Variants in PDE4D observed in about 807,000 individuals in gnomAD.
The protein encoded by PDE4D is phosphodiesterase 4D.
In PDE4D, 24 loss-of-function variants were observed where a neutral mutation model predicts 87.4. The ratio of observed to expected loss-of-function variants is 0.27; its 90% confidence interval spans 0.20 to 0.39. PDE4D has a LOEUF of 0.39. Ranked by LOEUF, PDE4D falls within the 10% of genes least tolerant of loss-of-function variation. The probability of loss-of-function intolerance (pLI) is 1.00; values close to 1 mark genes in which losing one functional copy is unlikely to be tolerated. For synonymous variants in PDE4D, 384 were observed against 383.2 expected (o/e 1.00, Z -0.02); for missense variants, 714 against 1,041.0 (o/e 0.69, Z 4.32).
intron 1 of PDE4D, among the ~76,000 whole-genome samples, chr5:60,361,192 G>A (rs1166763950): frequency 6.6e-6 from 1 of 152,182 alleles, no homozygotes; most frequent in Non-Finnish European, 1.5e-5. Flanking sequence ...CATAGTAGAT[G>A]ATCAAGCACA....
intron 6 of PDE4D, among the ~76,000 whole-genome samples, chr5:58,997,647 C>G (rs1749535209): frequency 7.1e-6 from 1 of 141,228 alleles, no homozygotes; most frequent in Non-Finnish European, 1.5e-5. Flanking sequence ...AGTCTGAAAA[C>G]AATACACAGA....
Position 58,970,097 on chromosome 5 carries a change from T to C in PDE4D, c.*4567A>G, listed in dbSNP as rs1208051211. ...AGGCAGAATCAACCCATGCTTTTAT[T>C]TTCATTGCATATAAAAATTTCATAT... On this transcript the variant is annotated 3_prime_UTR_variant, in exon 15 of 15. Transcript: ENST00000340635. 1 of 152,168 alleles carries C rather than the reference T, an allele frequency of 6.6e-6. No individual in the cohort carries two copies. Among genetic ancestry groups the C allele is most frequent in the Non-Finnish European group, 1.5e-5 (1 of 68,020 alleles). 9.4% of individuals were successfully genotyped at this position (152,168 alleles called of 1,614,324 possible).
intron 5 of PDE4D, among the ~76,000 whole-genome samples, chr5:59,092,777 T>C (rs1768970812): frequency 6.6e-6 from 1 of 152,244 alleles, no homozygotes; most frequent in African/African-American, 2.4e-5. Context: ...TAAAGAACTT[T>C]GCACAGTGCA....
intron 2 of PDE4D, among the ~76,000 whole-genome samples, chr5:60,126,684 C>T (rs568106488): frequency 6.6e-6 from 1 of 152,220 alleles, no homozygotes; most frequent in South Asian, 2.1e-4. Context: ...TATATTTAAA[C>T]ACTAGCCATT....
intron 1 of PDE4D, among the ~76,000 whole-genome samples, chr5:59,838,153 G>A (rs1304459703): frequency 1.3e-5 from 2 of 152,028 alleles, no homozygotes; most frequent in Non-Finnish European, 2.9e-5. Context: ...TTGTTCTGAT[G>A]ATACTGGAAG....
At chr5:59,977,605 G>A (rs769712110) in intron 3 of PDE4D, among the ~76,000 whole-genome samples, 1 of 152,182 alleles carries the variant, frequency 6.6e-6, no homozygotes, top group Admixed American at 6.6e-5. Context: ...AAGTGAAGCA[G>A]CAAGTGCTGA....
At chr5:59,395,051 T>C (rs902823330) in intron 1 of PDE4D, among the ~76,000 whole-genome samples, 5 of 152,120 alleles carry the variant, frequency 3.3e-5, no homozygotes, top group Non-Finnish European at 2.9e-5. Context: ...CACCACGAGA[T>C]TATATCCCGC....
intron 1 of PDE4D, among the ~76,000 whole-genome samples, chr5:59,297,985 A>G (rs1171311458): frequency 6.6e-6 from 1 of 152,058 alleles, no homozygotes; most frequent in Non-Finnish European, 1.5e-5. Flanking sequence ...CTCTCTAATA[A>G]AAATGGAATG....
At chr5:59,168,240 T>G (rs1042128796) in intron 5 of PDE4D, among the ~76,000 whole-genome samples, 1 of 152,180 alleles carries the variant, frequency 6.6e-6, no homozygotes, top group Non-Finnish European at 1.5e-5. Flanking sequence ...ATGAAGAGAC[T>G]TCACCCAAAG....
intron 6 of PDE4D, among the ~76,000 whole-genome samples, chr5:59,020,095 T>G (rs540956800): frequency 5.3e-5 from 8 of 152,148 alleles, no homozygotes; most frequent in Non-Finnish European, 8.8e-5. Context: ...ATTTTCCACA[T>G]GAAATTAGTA....
intron 1 of PDE4D, among the ~76,000 whole-genome samples, chr5:59,662,300 T>A (rs1315462659): frequency 1.3e-5 from 2 of 152,192 alleles, no homozygotes; most frequent in Admixed American, 1.3e-4. Flanking sequence ...AATTCAGACT[T>A]CTCTTTGAAA....
intron 1 of PDE4D, among the ~76,000 whole-genome samples, chr5:59,728,045 G>A (rs1390061736): frequency 6.6e-6 from 1 of 151,988 alleles, no homozygotes; most frequent in South Asian, 2.1e-4. Flanking sequence ...TGTAGTAACT[G>A]TTGTGTTATC....
At chr5:60,281,407 T>G (rs975697480) in intron 1 of PDE4D, among the ~76,000 whole-genome samples, 7 of 152,206 alleles carry the variant, frequency 4.6e-5, no homozygotes, top group African/African-American at 1.7e-4. Flanking sequence ...CAATAATCCT[T>G]TATTTGCCAT....
At chr5:60,117,803 A>C (rs1778299972) in intron 2 of PDE4D, among the ~76,000 whole-genome samples, 1 of 151,426 alleles carries the variant, frequency 6.6e-6, no homozygotes, top group South Asian at 2.1e-4. Context: ...CCTTTTTGCT[A>C]CTAAACACAA....
At chr5:59,398,050 A>G in intron 1 of PDE4D, among the ~76,000 whole-genome samples, 1 of 139,672 alleles carries the variant, frequency 7.2e-6, no homozygotes. Context: ...GAATCTCTGA[A>G]TAGACCAATA....
chr5:60,076,480 G>A (rs12153629), intron 2 of PDE4D, among the ~76,000 whole-genome samples: 21,045 of 152,106 alleles, frequency 0.14, 1,501 homozygotes, highest in Middle Eastern at 0.22. Flanking sequence ...CTTTGAAATT[G>A]CTGTCCTTTG....
At chr5:59,112,077 A>G (rs933653786) in intron 5 of PDE4D, among the ~76,000 whole-genome samples, 2 of 152,196 alleles carry the variant, frequency 1.3e-5, no homozygotes, top group Non-Finnish European at 2.9e-5. Context: ...TGTGCGATGC[A>G]TTTAAAAAAT....
intron 2 of PDE4D, among the ~76,000 whole-genome samples, chr5:60,053,834 T>C (rs1770480207): frequency 6.6e-6 from 1 of 151,972 alleles, no homozygotes; most frequent in East Asian, 1.9e-4. Flanking sequence ...TACACAAATT[T>C]ATAAGAAAAA....
At chr5:60,049,127 C>T (rs374056046) in intron 2 of PDE4D, among the ~76,000 whole-genome samples, 3 of 152,122 alleles carry the variant, frequency 2.0e-5, no homozygotes, top group South Asian at 4.1e-4. Context: ...CATCTTCCAT[C>T]GCTGATACCT....
Sources: allele counts gnomAD v4.1 joint callset (sites outside exome capture counted in the v4.1 genomes callset), GRCh38; gene constraint gnomAD v4.1.1; transcripts MANE v1.5; gene names NCBI Gene and HGNC (gene_info 2026-07-23, HGNC 2026-07-21).